Variants in ADAM22 observed in about 807,000 individuals in gnomAD.
ADAM22 encodes the protein disintegrin and metalloproteinase domain-containing protein 22.
Under a neutral mutation model 144.6 loss-of-function variants are expected in ADAM22, and 65 were observed. The ratio of observed to expected loss-of-function variants is 0.45; its 90% CI spans 0.37 to 0.55. The LOEUF (loss-of-function observed/expected upper bound fraction) is 0.55. ADAM22 is among the 20% of genes least tolerant of loss of function. The pLI, the probability that ADAM22 is intolerant of heterozygous loss-of-function variation, is 0.00. For synonymous variants in ADAM22, 391 were observed against 412.6 expected, an observed-to-expected ratio of 0.95 and a Z score of 0.63; for missense variants, 974 against 1,184.9, an observed-to-expected ratio of 0.82 and a Z score of 2.61.
Position 88,113,703 on chromosome 7 carries a change from A to AATAAATATAT in ADAM22, c.474-878_474-877insAATATATATA, listed in dbSNP as rs1554478726. Among the ~76,000 whole-genome samples, 438 of 48,028 alleles carry AATAAATATAT rather than the reference A, an allele frequency of 9.1e-3. 8 individuals carry two copies. The highest frequency in any genetic ancestry group is 0.029 in the East Asian group (21 of 712). The allele number at this position is 48,028 out of a possible 152,430, so 31.5% of individuals were successfully genotyped here. A position where few individuals can be genotyped will look rare whatever the true frequency, so the allele number is the denominator to read the frequency against. On this transcript the variant is annotated intron_variant, in intron 5 of 31. Coordinates refer to ENST00000413139, the MANE Select transcript of ADAM22 (RefSeq NM_001324418.2). ...TATATATATTATAAATAAATAAATA[A>AATAAATATAT]ATATATATATATATATATATATATA...
At chr7:88,120,531 A>T (rs757302778) in intron 7 of ADAM22, among the ~76,000 whole-genome samples, 3 of 152,086 alleles carry the variant, frequency 2.0e-5, no homozygotes, top group Non-Finnish European at 2.9e-5. Context: ...TAGCTATTCT[A>T]GTGTATGTGG....
intron 3 of ADAM22, among the ~76,000 whole-genome samples, chr7:88,032,425 A>G (rs1209414921): frequency 6.6e-6 from 1 of 152,092 alleles, no homozygotes; most frequent in Non-Finnish European, 1.5e-5. Context: ...TCCTTTTTGG[A>G]AAGGGAGCAT....
At chr7:88,123,706 AC>A (rs1317227746) in intron 7 of ADAM22, among the ~76,000 whole-genome samples, 1 of 150,316 alleles carries the variant, frequency 6.7e-6, no homozygotes, top group Non-Finnish European at 1.5e-5. Context: ...CATAATTTAA[AC>A]TTTTTTTTTT....
chr7:88,113,740 A>ATATG (rs1228817217), intron 5 of ADAM22, among the ~76,000 whole-genome samples: 4 of 125,592 alleles, frequency 3.2e-5, no homozygotes, highest in Non-Finnish European at 6.7e-5. Context: ...ATATATATAT[A>ATATG]GTAAGTCCTA....
intron 3 of ADAM22, among the ~76,000 whole-genome samples, chr7:88,011,523 G>C (rs1176376606): frequency 6.7e-6 from 1 of 149,316 alleles, no homozygotes; most frequent in Admixed American, 6.7e-5. Flanking sequence ...CTGGGTGACA[G>C]AGCGAGACTC....
Position 88,114,630 on chromosome 7 carries a change from G to T in ADAM22, c.520G>T (p.Glu174Ter). Reference sequence around the variant, plus strand: ...CCACACATATCTCATTGAGCCAGAAGAAAATGACACTACTCAAGTAAGTGC... The same window carrying T: ...CCACACATATCTCATTGAGCCAGAATAAAATGACACTACTCAAGTAAGTGC... ...GNHTYLIEPEENDTTQEDFHF... is the reference protein window; with the variant it reads ...GNHTYLIEPE Residue 174 changes from glutamate to a stop codon, truncating the protein, a stop_gained, in exon 6 of 32, where the codon GAA becomes TAA. Transcript: ENST00000413139. LOFTEE classifies it high-confidence loss of function. The T allele has an allele frequency of 1.9e-6, 3 of 1,613,930 alleles. No homozygotes were observed. The highest frequency in any genetic ancestry group is 2.5e-6 in the Non-Finnish European group (3 of 1,179,862).
At position 88,019,424 on chromosome 7, in the gene ADAM22, G is replaced by A. The variant is rs576404980; in HGVS notation, c.323+41012G>A. ...TGGGAGGTGGAGGTTGCAGTGAGCCGAGATCATGCCACTGGACTCCTGCCT... is the reference window on the plus strand; with the variant it reads ...TGGGAGGTGGAGGTTGCAGTGAGCCAAGATCATGCCACTGGACTCCTGCCT... On this transcript the variant is annotated intron_variant, in intron 3 of 31. Coordinates refer to ENST00000413139, the MANE Select transcript of ADAM22 (RefSeq NM_001324418.2). 1.1e-4 allele frequency among the ~76,000 whole-genome samples: 16 copies of A among 152,232 alleles called. 1 individual carries two copies. In the South Asian group the frequency reaches 2.9e-3, roughly 28 times the overall value.
intron 15 of ADAM22, among the ~76,000 whole-genome samples, chr7:88,144,211 G>A (rs547937901): frequency 2.0e-4 from 30 of 152,098 alleles, no homozygotes; most frequent in Admixed American, 4.6e-4. Context: ...ATGTGTGCAC[G>A]TGTGTATCCA....
chr7:88,200,597 A>T lies in ADAM22; in HGVS notation c.*4106A>T, dbSNP rs767743367. The T allele has an allele frequency of 1.3e-5, 2 of 152,210 alleles. No individual in the cohort carries two copies. The highest frequency in any genetic ancestry group is 6.5e-5 in the Admixed American group (1 of 15,284). 9.4% of individuals were successfully genotyped at this position (152,210 alleles called of 1,614,324 possible). Reference sequence around the variant, plus strand: ...ATATCTACTTTTTATGCACCTAATTATATTTTTCCTTTCACTTTTATGTTT... The same window carrying T: ...ATATCTACTTTTTATGCACCTAATTTTATTTTTCCTTTCACTTTTATGTTT... On this transcript the variant is annotated 3_prime_UTR_variant, in exon 32 of 32. Transcript: ENST00000413139.
chr7:88,043,580 C>A (rs1024205066), intron 3 of ADAM22, among the ~76,000 whole-genome samples: 2 of 151,524 alleles, frequency 1.3e-5, no homozygotes, highest in African/African-American at 4.9e-5. Flanking sequence ...CAGTGGCATG[C>A]GCATGTAGTC....
At chr7:88,174,263 C>T (rs532370805) in intron 26 of ADAM22, among the ~76,000 whole-genome samples, 4 of 152,186 alleles carry the variant, frequency 2.6e-5, no homozygotes, top group South Asian at 2.1e-4. Context: ...AGCAGACCCA[C>T]GTTTTTTTTC....
intron 3 of ADAM22, among the ~76,000 whole-genome samples, chr7:88,053,130 G>A (rs1265431963): frequency 2.0e-5 from 3 of 152,004 alleles, no homozygotes; most frequent in Non-Finnish European, 4.4e-5. Context: ...ATTCATGTAT[G>A]CATGTATATG....
chr7:87,998,808 C>A (rs1791851809), intron 3 of ADAM22, among the ~76,000 whole-genome samples: 1 of 152,130 alleles, frequency 6.6e-6, no homozygotes, highest in African/African-American at 2.4e-5. Flanking sequence ...TGGGGGACAT[C>A]TTGAGAATTC....
Position 88,006,541 on chromosome 7 carries a change from A to G in ADAM22, c.323+28129A>G, listed in dbSNP as rs1454005582. 3.3e-5 allele frequency among the ~76,000 whole-genome samples: 5 copies of G among 151,920 alleles called. No individual in the cohort carries two copies. The East Asian group carries it at 9.7e-4, about 29-fold the overall frequency. ...AACCGAATCCAGCAACACATCAAAA[A>G]GCTTATCCACCATGATCAAGTGGGC... On this transcript the variant is annotated intron_variant, in intron 3 of 31. Coordinates refer to ENST00000413139, the MANE Select transcript of ADAM22 (RefSeq NM_001324418.2).
chr7:88,188,231 GC>G (rs931028042), intron 30 of ADAM22, among the ~76,000 whole-genome samples: 33 of 152,058 alleles, frequency 2.2e-4, no homozygotes, highest in Admixed American at 1.3e-4. Flanking sequence ...CATTTTTGCA[GC>G]AATAATTTGT....
chr7:88,178,618 TA>T (rs200322408), intron 26 of ADAM22, among the ~76,000 whole-genome samples: 24 of 151,964 alleles, frequency 1.6e-4, no homozygotes, highest in East Asian at 5.8e-4. Flanking sequence ...ATTTTTTTTT[TA>T]AAAAAAGACA....
chr7:87,951,798 G>C (rs1845275210), intron 2 of ADAM22, among the ~76,000 whole-genome samples: 1 of 117,820 alleles, frequency 8.5e-6, no homozygotes, highest in South Asian at 2.8e-4. Flanking sequence ...CCATTTGTTT[G>C]TATCCTCTTT....
chr7:88,145,298 T>C (rs1298585857), intron 16 of ADAM22, 102 bp downstream of exon 16: 19 of 1,504,866 alleles, frequency 1.3e-5, no homozygotes, highest in East Asian at 2.3e-5. Flanking sequence ...TGGAATTTTA[T>C]AGGATTTGTG....
chr7:88,133,734 C>G (rs1453373600), intron 12 of ADAM22, among the ~76,000 whole-genome samples: 2 of 152,082 alleles, frequency 1.3e-5, no homozygotes, highest in African/African-American at 4.8e-5. Flanking sequence ...CAAAGGGTTT[C>G]TTTTACTCCT....
Sources: gnomAD v4.1 joint callset for allele counts (sites outside exome capture counted in the v4.1 genomes callset) on GRCh38, gnomAD v4.1.1 for gene constraint, MANE v1.5 for transcripts, NCBI Gene and HGNC (gene_info 2026-07-23, HGNC 2026-07-21) for gene names.